The following DYNC1H1 variants were observed in gnomAD, a reference collection of about 807,000 sequenced individuals.
The protein encoded by DYNC1H1 is cytoplasmic dynein 1 heavy chain 1.
DYNC1H1 carries 51 observed loss-of-function variants against 527.1 expected under a neutral mutation model. The ratio of observed to expected loss-of-function variants is 0.10; its 90% CI spans 0.08 to 0.12. The LOEUF (loss-of-function observed/expected upper bound fraction) is 0.12. Among genes scored for constraint, DYNC1H1 ranks in the 10% least tolerant of loss-of-function variants. The probability of loss-of-function intolerance (pLI) is 1.00; values close to 1 mark genes in which losing one functional copy is unlikely to be tolerated. For synonymous variants in DYNC1H1, 2,189 were observed against 2,278.8 expected (o/e 0.96, Z 1.12); for missense variants, 2,771 against 5,971.8 (o/e 0.46, Z 17.66).
chr14:102,017,439 G>A lies in DYNC1H1; in HGVS notation c.8112G>A (p.Glu2704=), dbSNP rs759687871. 6.2e-7 allele frequency: 1 copy of A among 1,614,234 alleles called. No individual in the cohort carries two copies. The highest frequency in any genetic ancestry group is 8.5e-7 in the Non-Finnish European group (1 of 1,180,042). ...RTSDQTWVKL[E]RIQFVGACNP... ...CAGATCAAACATGGGTGAAGCTGGA[G>A]AGAATCCAGTTTGTTGGGGCTTGTA... is the stretch of plus-strand genomic sequence containing the variant. Residue 2704 remains glutamate, a synonymous_variant, in exon 40 of 78, where the codon GAG becomes GAA. Coordinates refer to ENST00000360184, the MANE Select transcript of DYNC1H1 (RefSeq NM_001376.5). The surrounding 1 kb of genome is among the most constrained non-coding windows in gnomAD (Gnocchi z 4.6).
chr14:102,000,674 A>C (rs562728320), intron 18 of DYNC1H1: 1 of 502,406 alleles, frequency 2.0e-6, no homozygotes, highest in South Asian at 2.0e-5. Context: ...TCCCGGGTTC[A>C]AGCGATTCTC....
chr14:101,983,632 T>G lies in DYNC1H1; in HGVS notation c.1461+23T>G, dbSNP rs1222028604. 3.1e-6 allele frequency: 5 copies of G among 1,608,444 alleles called. No homozygotes were observed. The East Asian group carries it at 1.1e-4, about 36-fold the overall frequency. Reference sequence around the variant, plus strand: ...CAGGTAAGATTTGCATTCTAAAAGTTTGTGTTTTGTTTTTGTTTTTGTTTT... The same window carrying G: ...CAGGTAAGATTTGCATTCTAAAAGTGTGTGTTTTGTTTTTGTTTTTGTTTT... On this transcript the variant is annotated intron_variant, in intron 7 of 77. Transcript: ENST00000360184. The surrounding 1 kb of genome is among the most constrained non-coding windows in gnomAD (Gnocchi z 5.3).
At chr14:101,996,313 A>C (rs1198376546) in intron 15 of DYNC1H1, among the ~76,000 whole-genome samples, 1 of 151,212 alleles carries the variant, frequency 6.6e-6, no homozygotes, top group Non-Finnish European at 1.5e-5. Context: ...TATTTTTAGC[A>C]GAGACGGGGT....
At chr14:101,989,361 G>A (rs2047970742) in intron 10 of DYNC1H1, among the ~76,000 whole-genome samples, 1 of 152,196 alleles carries the variant, frequency 6.6e-6, no homozygotes, top group African/African-American at 2.4e-5. Context: ...CACATCCCCG[G>A]GAAGAAGGTG....
chr14:101,991,338 G>A (rs976667482), intron 10 of DYNC1H1, among the ~76,000 whole-genome samples, 189 bp from the exon 11 acceptor site: 6 of 152,188 alleles, frequency 3.9e-5, no homozygotes, highest in African/African-American at 1.4e-4. Flanking sequence ...TGGGCTTGCT[G>A]GCGCATGCCC....
chr14:102,035,965 A>G (rs1392402936), intron 56 of DYNC1H1: 1 of 166,452 alleles, frequency 6.0e-6, no homozygotes, highest in Admixed American at 5.7e-5. Flanking sequence ...GCTAGACCGT[A>G]GGTAGATCAC....
At position 102,049,850 on chromosome 14, in the gene DYNC1H1, C is replaced by T. The variant is rs1181756021; in HGVS notation, c.13652C>T (p.Ala4551Val). The stretch of plus-strand genomic sequence containing the variant: ...GTCAACGTCACCACCTCACAGGGCG[C>T]CACCCTTGACGCTTGCAGCTTCGGA... ...LEVNVTTSQGATLDACSFGVT... is the reference protein window; with the variant it reads ...LEVNVTTSQGVTLDACSFGVT... Residue 4551 changes from alanine to valine, a missense_variant, in exon 76 of 78, where the codon GCC becomes GTC. Physicochemically the swap from Ala to Val is moderately conservative, Grantham distance 64 (BLOSUM62 0). Transcript: ENST00000360184. This position sits in a 1 kb window ranked among gnomAD's most constrained non-coding sequence, Gnocchi z 5.5. 21 of 1,613,782 alleles carry T rather than the reference C, an allele frequency of 1.3e-5. No individual in the cohort carries two copies. Among genetic ancestry groups the T allele is most frequent in the Non-Finnish European group, 1.8e-5 (21 of 1,180,040 alleles).
chr14:102,047,860 G>C lies in DYNC1H1; in HGVS notation c.13050G>C (p.Glu4350Asp), dbSNP rs1595636086. 6.2e-7 allele frequency: 1 copy of C among 1,613,600 alleles called. No homozygotes were observed. ...AAATGCTGAAGATGCAGATGTTGGA[G>C]GATGAGGACGACCTGGCCTACGCAG... is the stretch of plus-strand genomic sequence containing the variant. ...ISKMLKMQML[E>D]DEDDLAYAET... The change falls in exon 73 of 78, where the codon GAG becomes GAC. Residue 4350 changes from glutamate to aspartate, a missense_variant. Physicochemically the swap from Glu to Asp is conservative, Grantham distance 45 (BLOSUM62 2). Around this residue, in one of 32 missense-constraint regions of DYNC1H1, gnomAD observed 170 missense variants for 249.8 expected, o/e 0.68. Transcript: ENST00000360184.
intron 27 of DYNC1H1, 149 bp from the exon 28 acceptor site, chr14:102,006,859 C>G (rs1423370084): frequency 8.9e-6 from 7 of 786,864 alleles, no homozygotes; most frequent in Non-Finnish European, 6.4e-6. Context: ...CTCGGCCTCC[C>G]GAAGTGCTGG....
chr14:101,975,749 C>A lies in DYNC1H1; in HGVS notation c.294C>A (p.Phe98Leu), dbSNP rs1064795200. The change falls in exon 2 of 78, where the codon TTC becomes TTA. Residue 98 changes from phenylalanine to leucine, a missense_variant. Physicochemically the swap from Phe to Leu is conservative, Grantham distance 22. Around this residue, in one of 32 missense-constraint regions of DYNC1H1, gnomAD observed 146 missense variants for 288.1 expected, o/e 0.51. Transcript: ENST00000360184. ...ATGAAGGAGAAGAAGAAAAAGAATT[C>A]ATTTCCTATAACATCAACATAGACA... ...VGDEGEEEKE[F>L]ISYNINIDIH... 1.9e-6 allele frequency: 3 copies of A among 1,613,666 alleles called. No individual in the cohort carries two copies. Among genetic ancestry groups the A allele is most frequent in the Admixed American group, 3.3e-5 (2 of 60,002 alleles).
chr14:102,021,902 C>A (rs1015023407), intron 42 of DYNC1H1, among the ~76,000 whole-genome samples: 1 of 151,988 alleles, frequency 6.6e-6, no homozygotes, highest in Non-Finnish European at 1.5e-5. Flanking sequence ...TTAAAGTGAT[C>A]CGCCTGCCTC....
At chr14:102,048,764 G>GC in intron 74 of DYNC1H1, 95 bp downstream of exon 74, 1 of 1,406,514 alleles carries the variant, frequency 7.1e-7, no homozygotes, top group Non-Finnish European at 9.5e-7. Context: ...CGTGCAGACA[G>GC]CCAGGCCTGC....
intron 10 of DYNC1H1, among the ~76,000 whole-genome samples, 188 bp from the exon 11 acceptor site, chr14:101,991,339 G>T (rs1246507434): frequency 6.6e-6 from 1 of 152,128 alleles, no homozygotes; most frequent in Non-Finnish European, 1.5e-5. Flanking sequence ...GGGCTTGCTG[G>T]CGCATGCCCG....
chr14:102,013,502 T>TA (rs17512411), intron 34 of DYNC1H1, among the ~76,000 whole-genome samples: 22,796 of 151,472 alleles, frequency 0.15, 1,935 homozygotes, highest in East Asian at 0.24. Flanking sequence ...ACAGCAGGAG[T>TA]AGCAGGTCTG....
rs551116811 is a variant in DYNC1H1, at chr14:101,983,686, G to T, written c.1461+77G>T. 0.014 allele frequency: 20,112 copies of T among 1,469,354 alleles called. 900 individuals carry two copies. In the African/African-American group the frequency reaches 0.15, roughly 11 times the overall value. 91.0% of individuals were successfully genotyped at this position (1,469,354 alleles called of 1,614,324 possible). A position where few individuals can be genotyped will look rare whatever the true frequency, so the allele number is the denominator to read the frequency against. On this transcript the variant is annotated intron_variant, in intron 7 of 77. Transcript: ENST00000360184. The surrounding 1 kb of genome is among the most constrained non-coding windows in gnomAD (Gnocchi z 5.3). ...TTTTGTTTGGTGTTTTTTTTTTGTT[G>T]TTGTTGTTGAGATGAAGTTTCACTC...
rs1462780464 is a variant in DYNC1H1 at position 102,026,570 on chromosome 14, A to T, written c.8638-4A>T. 2 of 1,613,050 alleles carry T rather than the reference A, an allele frequency of 1.2e-6. No homozygotes were observed. Among genetic ancestry groups the T allele is most frequent in the Admixed American group, 1.7e-5 (1 of 59,700 alleles). ...TAATTTGGGTATTACCTTTTTTTCT[A>T]TAGGATTACATCCCAGTAGACCAAG... is the stretch of plus-strand genomic sequence containing the variant. On this transcript the variant is annotated splice_region_variant and splice_polypyrimidine_tract_variant and intron_variant, in intron 43 of 77. Transcript: ENST00000360184.
chr14:102,026,028 T>C (rs2048445961), intron 43 of DYNC1H1, among the ~76,000 whole-genome samples: 1 of 151,720 alleles, frequency 6.6e-6, no homozygotes, highest in Admixed American at 6.6e-5. Context: ...GGCAGGAGAA[T>C]TGCTTGAACC....
chr14:102,043,883 C>T lies in DYNC1H1; in HGVS notation c.12522C>T (p.Asn4174=), dbSNP rs1246826432. The change falls in exon 70 of 78, where the codon AAC becomes AAT. Residue 4174 remains asparagine (N), a synonymous_variant. Transcript: ENST00000360184. The part of the protein sequence containing the change: ...IPVSRICKSP[N]ERARLYFLLA... Reference sequence around the variant, plus strand: ...GTCACTTTCCTCACCAGTCTCCCAACGAGCGTGCCCGCTTGTACTTCCTGC... The same window carrying T: ...GTCACTTTCCTCACCAGTCTCCCAATGAGCGTGCCCGCTTGTACTTCCTGC... 13 of 1,614,202 alleles carry T rather than the reference C, an allele frequency of 8.1e-6. No individual in the cohort carries two copies. In the East Asian group the frequency reaches 1.6e-4, roughly 19 times the overall value.
intron 23 of DYNC1H1, among the ~76,000 whole-genome samples, chr14:102,004,222 C>T (rs1189344499): frequency 2.6e-5 from 4 of 151,040 alleles, no homozygotes; most frequent in South Asian, 2.1e-4. Flanking sequence ...CCAGCCTGGG[C>T]GACAGAGCAA....
Sources: gnomAD v4.1 joint callset for allele counts (sites outside exome capture counted in the v4.1 genomes callset) on GRCh38, gnomAD v4.1.1 for gene constraint, gnomAD v4.1.1 regional missense constraint, Gnocchi (gnomAD v3.1) non-coding constraint, MANE v1.5 for transcripts, NCBI Gene and HGNC (gene_info 2026-07-23, HGNC 2026-07-21) for gene names.